Variants in RGL3 observed in about 807,000 individuals in gnomAD.
RGL3 encodes ral guanine nucleotide dissociation stimulator-like 3.
In RGL3, 85 loss-of-function variants were observed where a neutral mutation model predicts 90.6. The observed-to-expected ratio is 0.94, with a 90% CI of 0.79 to 1.12. The LOEUF (loss-of-function observed/expected upper bound fraction) is 1.12, where lower values mean the gene tolerates loss of function less well. Ranked by LOEUF, RGL3 falls within the 50% of genes most tolerant of loss-of-function variation. The probability of loss-of-function intolerance (pLI) is 0.00; values close to 1 mark genes in which losing one functional copy is unlikely to be tolerated. For synonymous variants in RGL3, 408 were observed against 385.5 expected, an observed-to-expected ratio of 1.06 and a Z score of -0.68; for missense variants, 1,034 against 939.2, an observed-to-expected ratio of 1.10 and a Z score of -1.32.
intron 5 of RGL3, chr19:11,411,420 T>C (rs1968873495): frequency 6.6e-6 from 1 of 151,586 alleles, no homozygotes; most frequent in African/African-American, 2.4e-5. Flanking sequence ...TATAGGCATG[T>C]GCCACAACAC....
chr19:11,397,658 A>G (rs1968602071), intron 16 of RGL3, 61 bp from the exon 17 acceptor site: 1 of 1,445,614 alleles, frequency 6.9e-7, no homozygotes, highest in East Asian at 2.5e-5. Context: ...GAGGGCTAGA[A>G]AAGCACGAAC....
At chr19:11,415,545 G>A (rs970517694) in intron 5 of RGL3, among the ~76,000 whole-genome samples, 4 of 151,922 alleles carry the variant, frequency 2.6e-5, no homozygotes, top group African/African-American at 4.8e-5. Flanking sequence ...GCACGATCTC[G>A]ACTCACCGCA....
In RGL3 at chr19:11,401,999, C is replaced by T. The variant is rs1968683747; in HGVS notation, c.1484+12G>A. 6.5e-7 allele frequency: 1 copy of T among 1,532,320 alleles called. No individual in the cohort carries two copies. Among genetic ancestry groups the T allele is most frequent in the Non-Finnish European group, 8.8e-7 (1 of 1,142,106 alleles). 94.9% of individuals were successfully genotyped at this position (1,532,320 alleles called of 1,614,324 possible). A position where few individuals can be genotyped will look rare whatever the true frequency, so the allele number is the denominator to read the frequency against. On this transcript the variant is annotated intron_variant, in intron 13 of 18. Transcript: ENST00000380456. ...GCTGGGGTGGGGCTGGGACAGGCTA[C>T]AGGGTGGTCACCTCTGCTCCTCGGT...
Position 11,397,235 on chromosome 19 carries a change from C to T in RGL3, c.2014+9G>A. ...CCCCTATCCTGAGCTCCAACCCATC[C>T]CTGCTCACCCCGGTCCCCAGGAAGG... On this transcript the variant is annotated intron_variant, in intron 18 of 18. Coordinates refer to ENST00000380456, the MANE Select transcript of RGL3 (RefSeq NM_001035223.4). 1 of 1,612,340 alleles carries T rather than the reference C, an allele frequency of 6.2e-7. No homozygotes were observed. The highest frequency in any genetic ancestry group is 1.3e-5 in the African/African-American group (1 of 74,994).
chr19:11,409,810 G>A (rs1968843404), intron 5 of RGL3, among the ~76,000 whole-genome samples: 1 of 152,154 alleles, frequency 6.6e-6, no homozygotes, highest in Non-Finnish European at 1.5e-5. Flanking sequence ...AAAGACACGG[G>A]ACAACCTCAT....
chr19:11,412,987 TAAATA>T (rs951941344), intron 5 of RGL3, among the ~76,000 whole-genome samples: 1 of 151,060 alleles, frequency 6.6e-6, no homozygotes, highest in East Asian at 2.0e-4. Context: ...AAAGTAAAAA[TAAATA>T]AAATAAAATA....
rs1968691348 is a variant in RGL3, at chr19:11,402,230, A to C, written c.1347T>G (p.Phe449Leu). The change falls in exon 12 of 19, where the codon TTT (phenylalanine) becomes TTG (leucine). Residue 449 changes from phenylalanine (F) to leucine (L), a missense_variant. Transcript: ENST00000380456. The stretch of plus-strand genomic sequence containing the variant: ...CTCCACTCACCTTCCTCCTCTTCTC[A>C]AAGTTAATGAGATCCCCCTGGGGGC... ...PDMLEGDLINFEKRRKEWEIL... is the reference protein window; with the variant it reads ...PDMLEGDLINLEKRRKEWEIL... 1 of 1,611,922 alleles carries C rather than the reference A, an allele frequency of 6.2e-7. No homozygotes were observed. Among genetic ancestry groups the C allele is most frequent in the Non-Finnish European group, 8.5e-7 (1 of 1,179,474 alleles).
intron 13 of RGL3, 37 bp downstream of exon 13, chr19:11,401,974 G>C: frequency 6.6e-7 from 1 of 1,510,036 alleles, no homozygotes; most frequent in Non-Finnish European, 8.8e-7. Context: ...CCCAGGCTCA[G>C]CTGGGGTGGG....
intron 18 of RGL3, among the ~76,000 whole-genome samples, chr19:11,396,158 ATTTTTTTTTTTTTTTTT>A (rs1169850022): frequency 3.9e-5 from 1 of 25,632 alleles, no homozygotes; most frequent in Non-Finnish European, 6.7e-5. Context: ...ATATATATAT[ATTTTTTTTTTTTTTTTT>A]TTTTTTTTTT....
chr19:11,400,346 G>A (rs1968653401), intron 13 of RGL3, 49 bp from the exon 14 acceptor site: 1 of 1,474,920 alleles, frequency 6.8e-7, no homozygotes, highest in Non-Finnish European at 9.1e-7. Flanking sequence ...AAATACAGGG[G>A]ATGGAGAGAT....
Position 11,397,566 on chromosome 19 carries a change from CG to C in RGL3, c.1777del (p.Arg593GlyfsTer42). ...GCTGCCCAGAGGCAAAGCGAAGGGC[CG>C]GGGGCTGGGCAGGTCCAGGCTCAGG... is the stretch of plus-strand genomic sequence containing the variant. ...LPLSLDLPSP[R>X]PFALPLGSPR... On this transcript the variant is annotated frameshift_variant, in exon 17 of 19. Transcript: ENST00000380456. LOFTEE classifies it high-confidence loss of function. 6.3e-7 allele frequency: 1 copy of C among 1,588,784 alleles called. No homozygotes were observed. Among genetic ancestry groups the C allele is most frequent in the Non-Finnish European group, 8.6e-7 (1 of 1,166,918 alleles).
intron 9 of RGL3, among the ~76,000 whole-genome samples, chr19:11,404,482 G>A (rs551415818): frequency 7.2e-5 from 11 of 152,266 alleles, no homozygotes; most frequent in South Asian, 4.1e-4. Flanking sequence ...AGCCAAGATC[G>A]TGCCACTGCA....
chr19:11,397,245 C>T lies in RGL3; in HGVS notation c.2013G>A (p.Arg671=). 1.2e-6 allele frequency: 2 copies of T among 1,613,588 alleles called. No homozygotes were observed. The highest frequency in any genetic ancestry group is 2.2e-5 in the South Asian group (2 of 91,038). The change falls in exon 18 of 19, where the codon CGG becomes CGA. Residue 671 remains arginine (R), a splice_region_variant and synonymous_variant. Coordinates refer to ENST00000380456, the MANE Select transcript of RGL3 (RefSeq NM_001035223.4). ...GAGCTCCAACCCATCCCTGCTCACC[C>T]CGGTCCCCAGGAAGGACTTGAAAGA... The part of the protein sequence containing the change: ...YQLFQVLPGD[R]VLLIPDNANV...
chr19:11,414,441 A>G (rs944090857), intron 5 of RGL3, among the ~76,000 whole-genome samples: 1 of 108,624 alleles, frequency 9.2e-6, no homozygotes, highest in Non-Finnish European at 1.7e-5. Flanking sequence ...ACCTTCATAT[A>G]TATACATATA....
At chr19:11,408,464 T>G (rs977938592) in intron 5 of RGL3, among the ~76,000 whole-genome samples, 2 of 151,816 alleles carry the variant, frequency 1.3e-5, no homozygotes, top group Non-Finnish European at 2.9e-5. Flanking sequence ...CACGCGCCTG[T>G]AATCCCAGCT....
chr19:11,417,033 G>A lies in RGL3; in HGVS notation c.174C>T (p.Phe58=). 6.2e-7 allele frequency: 1 copy of A among 1,609,428 alleles called. No homozygotes were observed. The highest frequency in any genetic ancestry group is 1.7e-4 in the Middle Eastern group (1 of 6,042). Residue 58 remains phenylalanine (F), a synonymous_variant, in exon 3 of 19, where the codon TTC becomes TTT. Transcript: ENST00000380456. ...TCACCTTGCTGGTTCGATAGTGGAG[G>A]AAGGTATTGGCAATGGGGCTGGGAG... ...SQAPSPIANT[F]LHYRTSKVRV... is the part of the protein sequence containing the mutation.
intron 5 of RGL3, among the ~76,000 whole-genome samples, 174 bp downstream of exon 5, chr19:11,415,763 C>T (rs1304750256): frequency 6.6e-6 from 1 of 152,154 alleles, no homozygotes; most frequent in East Asian, 1.9e-4. Context: ...CGTGAGCCAC[C>T]ACGCCCGGCT....
In RGL3 at chr19:11,417,757, A is replaced by G. The variant is rs552612437; in HGVS notation, c.148-698T>C. ...AGTGCTGGGATTACAGGCGTGAGCC[A>G]CCTCGCCCCGCCTGTAGCACCATTC... On this transcript the variant is annotated intron_variant, in intron 2 of 18. Transcript: ENST00000380456. Among the ~76,000 whole-genome samples the G allele has an allele frequency of 1.0e-3, 156 of 151,428 alleles. 2 individuals are homozygous for G. In the South Asian group the frequency reaches 0.031, roughly 30 times the overall value.
At chr19:11,417,605 G>A (rs992462221) in intron 2 of RGL3, among the ~76,000 whole-genome samples, 2 of 150,556 alleles carry the variant, frequency 1.3e-5, no homozygotes, top group South Asian at 4.2e-4. Flanking sequence ...AAGTATCTGG[G>A]ATTACAGGCA....
Sources: allele counts gnomAD v4.1 joint callset (sites outside exome capture counted in the v4.1 genomes callset), GRCh38; gene constraint gnomAD v4.1.1; transcripts MANE v1.5; gene names NCBI Gene and HGNC (gene_info 2026-07-23, HGNC 2026-07-21).